BNC2: variants seen among roughly 807,000 people sequenced by gnomAD.
The protein encoded by BNC2 is basonuclin zinc finger protein 2.
BNC2 carries 20 observed loss-of-function variants against 76.3 expected under a neutral mutation model. That is an observed-to-expected ratio of 0.26 (90% confidence interval 0.18 to 0.38). The LOEUF (loss-of-function observed/expected upper bound fraction) is 0.38. BNC2 is among the 10% of genes least tolerant of loss of function. The probability of loss-of-function intolerance (pLI) is 1.00; values close to 1 mark genes in which losing one functional copy is unlikely to be tolerated. For missense variants in BNC2, 1,382 were observed against 1,399.8 expected (o/e 0.99, Z 0.20); for synonymous variants, 582 against 514.8 (o/e 1.13, Z -1.77).
chr9:16,870,588 G>C, intron 1 of BNC2, 58 bp downstream of exon 1: 5 of 1,597,042 alleles, frequency 3.1e-6, no homozygotes, highest in Non-Finnish European at 4.3e-6. Context: ...GCTCGGGCGC[G>C]GGGGTCATTT....
rs758528469 is a variant in BNC2, at chr9:16,583,116, C to T, written c.331-31G>A. 3 of 1,556,164 alleles carry T rather than the reference C, an allele frequency of 1.9e-6. No individual in the cohort carries two copies. The South Asian group carries it at 3.3e-5, about 17-fold the overall frequency. On this transcript the variant is annotated intron_variant, in intron 3 of 6. Transcript: ENST00000380672. The stretch of plus-strand genomic sequence containing the variant: ...AAATAAAGGAGGAAAAAAAGGTCAG[C>T]ATCTGTTCAAAGATACTATACTCTT...
intron 1 of BNC2, among the ~76,000 whole-genome samples, chr9:16,774,872 A>G (rs150237020): frequency 9.7e-4 from 147 of 152,310 alleles, no homozygotes; most frequent in African/African-American, 3.3e-3. Flanking sequence ...AAAAGACTGT[A>G]TATCTGTTAT....
chr9:16,670,990 C>T (rs1355964523), intron 3 of BNC2, among the ~76,000 whole-genome samples: 1 of 152,108 alleles, frequency 6.6e-6, no homozygotes, highest in African/African-American at 2.4e-5. Context: ...CCTGAAGACG[C>T]ACATGCACAA....
chr9:16,658,878 T>C (rs943132142), intron 3 of BNC2, among the ~76,000 whole-genome samples: 1 of 152,278 alleles, frequency 6.6e-6, no homozygotes, highest in East Asian at 1.9e-4. Flanking sequence ...TAAAAAGCAA[T>C]GGCTGAAGGA....
intron 1 of BNC2, chr9:16,775,666 CTGGTCCACGCTT>C (rs1298707597): frequency 4.8e-6 from 1 of 208,250 alleles, no homozygotes; most frequent in Non-Finnish European, 1.1e-5. Context: ...GCCTGGTCTG[CTGGTCCACGCTT>C]TGGTCTTCTA....
intron 3 of BNC2, 162 bp downstream of exon 3, chr9:16,727,635 C>A (rs1824378868): frequency 6.1e-6 from 4 of 651,456 alleles, no homozygotes; most frequent in Middle Eastern, 4.2e-4. Context: ...AGTAACCCTG[C>A]ACATTCCAGT....
chr9:16,447,214 T>C (rs1821248512), intron 5 of BNC2, among the ~76,000 whole-genome samples: 1 of 152,086 alleles, frequency 6.6e-6, no homozygotes, highest in Non-Finnish European at 1.5e-5. Context: ...TATGAGTCCT[T>C]AACTTAAGCA....
chr9:16,474,080 A>G (rs138213928), intron 5 of BNC2, among the ~76,000 whole-genome samples: 14 of 152,288 alleles, frequency 9.2e-5, no homozygotes, highest in East Asian at 7.7e-4. Context: ...AAGACACCCA[A>G]TCTTGACTGA....
At chr9:16,557,088 G>A (rs1818857768) in intron 4 of BNC2, among the ~76,000 whole-genome samples, 1 of 152,064 alleles carries the variant, frequency 6.6e-6, no homozygotes, top group Admixed American at 6.5e-5. Flanking sequence ...ATGGCGCTGT[G>A]GAAAAGGTAG....
chr9:16,617,314 A>G (rs1258667273), intron 3 of BNC2, among the ~76,000 whole-genome samples: 1 of 152,224 alleles, frequency 6.6e-6, no homozygotes, highest in Non-Finnish European at 1.5e-5. Context: ...CACTTTGGTT[A>G]CGAAAAAATA....
chr9:16,614,687 CTGTAAT>C (rs1471354153), intron 3 of BNC2, among the ~76,000 whole-genome samples: 1 of 151,924 alleles, frequency 6.6e-6, no homozygotes, highest in Non-Finnish European at 1.5e-5. Flanking sequence ...TGGCTCATGC[CTGTAAT>C]TCCAGCACTT....
At chr9:16,820,929 G>A (rs1163873045) in intron 1 of BNC2, among the ~76,000 whole-genome samples, 2 of 152,094 alleles carry the variant, frequency 1.3e-5, no homozygotes, top group Non-Finnish European at 2.9e-5. Context: ...AAGTAGGCCA[G>A]GCGCAGTGTA....
chr9:16,623,098 T>C (rs1456134826), intron 3 of BNC2, among the ~76,000 whole-genome samples: 2 of 152,156 alleles, frequency 1.3e-5, no homozygotes, highest in East Asian at 1.9e-4. Context: ...ACCAAAATGA[T>C]GGTGAAACTA....
At chr9:16,661,842 T>C (rs1018329891) in intron 3 of BNC2, among the ~76,000 whole-genome samples, 59 of 152,326 alleles carry the variant, frequency 3.9e-4, no homozygotes, top group African/African-American at 1.3e-3. Context: ...AACAGAGGTT[T>C]TTAAAAATAA....
chr9:16,684,304 C>G (rs750547502), intron 3 of BNC2, among the ~76,000 whole-genome samples: 1 of 152,192 alleles, frequency 6.6e-6, no homozygotes, highest in Non-Finnish European at 1.5e-5. Flanking sequence ...ATGTCACACA[C>G]AAGCTGTTAG....
chr9:16,797,841 A>G (rs1340486691), intron 1 of BNC2, among the ~76,000 whole-genome samples: 2 of 152,200 alleles, frequency 1.3e-5, no homozygotes, highest in Non-Finnish European at 2.9e-5. Flanking sequence ...GCCATGTCCT[A>G]GGAAAGGAAG....
In BNC2 at chr9:16,416,706, A is replaced by G. The variant is rs1018821130; in HGVS notation, c.*2283T>C. 19 of 152,682 alleles carry G rather than the reference A, an allele frequency of 1.2e-4. No individual in the cohort carries two copies. Among genetic ancestry groups the G allele is most frequent in the African/African-American group, 4.6e-4 (19 of 41,472 alleles). 9.5% of individuals were successfully genotyped at this position (152,682 alleles called of 1,614,324 possible). A position where few individuals can be genotyped will look rare whatever the true frequency, so the allele number is the denominator to read the frequency against. On this transcript the variant is annotated 3_prime_UTR_variant, in exon 7 of 7. Coordinates refer to ENST00000380672, the MANE Select transcript of BNC2 (RefSeq NM_017637.6). ...CAAATGAAGAATTAAAATGGACCCC[A>G]TAGCATCCTCTGAAGGAGGTGAAAA...
intron 3 of BNC2, among the ~76,000 whole-genome samples, chr9:16,613,028 C>G (rs1313379994): frequency 6.6e-6 from 1 of 152,140 alleles, no homozygotes; most frequent in Non-Finnish European, 1.5e-5. Flanking sequence ...GGAGGTAAAG[C>G]AGCATGGGGC....
At chr9:16,487,017 C>T (rs1244319931) in intron 5 of BNC2, among the ~76,000 whole-genome samples, 4 of 152,192 alleles carry the variant, frequency 2.6e-5, no homozygotes, top group African/African-American at 9.7e-5. Context: ...CCATAGACAT[C>T]GTTAATCTCA....
Sources: allele counts gnomAD v4.1 joint callset (sites outside exome capture counted in the v4.1 genomes callset), GRCh38; gene constraint gnomAD v4.1.1; transcripts MANE v1.5; gene names NCBI Gene and HGNC (gene_info 2026-07-23, HGNC 2026-07-21).